The following CD36 variants were observed in gnomAD, a reference collection of about 807,000 sequenced individuals.
CD36 encodes the protein CD36 molecule (CD36 blood group).
In CD36, 119 loss-of-function variants were observed where a neutral mutation model predicts 55.2. The ratio of observed to expected loss-of-function variants is 2.15; its 90% CI spans 1.86 to 2.51. The LOEUF (loss-of-function observed/expected upper bound fraction) is 2.51. Among genes scored for constraint, CD36 ranks in the 30% most tolerant of loss-of-function variants. CD36 has a pLI of 0.00. For missense variants in CD36, 819 were observed against 555.5 expected (o/e 1.47, Z -4.77); for synonymous variants, 186 against 193.6 (o/e 0.96, Z 0.33).
chr7:80,635,249 C>T (rs573971436), upstream of CD36, among the ~76,000 whole-genome samples: 2 of 142,804 alleles, frequency 1.4e-5, no homozygotes, highest in African/African-American at 5.3e-5. Flanking sequence ...TGCGTGATAG[C>T]CAGTGATGGC....
chr7:80,665,911 G>T (rs575617719), intron 7 of CD36: 1 of 155,052 alleles, frequency 6.4e-6, no homozygotes, highest in African/African-American at 2.4e-5. Flanking sequence ...TTTAACGCCA[G>T]TCCATGGGAG....
chr7:80,673,677 A>G (rs1797953490), intron 13 of CD36: 2 of 560,596 alleles, frequency 3.6e-6, no homozygotes, highest in African/African-American at 1.9e-5. Context: ...TATTTTTACT[A>G]TAAATCCATG....
chr7:80,609,237 A>C (rs888436361), intron 1 of CD36, among the ~76,000 whole-genome samples: 4 of 151,956 alleles, frequency 2.6e-5, no homozygotes, highest in Non-Finnish European at 4.4e-5. Flanking sequence ...TTCTTCCAAA[A>C]CTCATACACT....
At chr7:80,634,823 A>C (rs1794290165), upstream of CD36, among the ~76,000 whole-genome samples, 1 of 152,100 alleles carries the variant, frequency 6.6e-6, no homozygotes, top group Non-Finnish European at 1.5e-5. Context: ...GTATGCTCAA[A>C]GTGGATAAAG....
chr7:80,669,844 T>G, intron 8 of CD36, 109 bp from the exon 9 acceptor site: 2 of 800,282 alleles, frequency 2.5e-6, no homozygotes, highest in Non-Finnish European at 4.5e-6. Context: ...GATAAATTAC[T>G]TAGGCAGTTT....
intron 1 of CD36, among the ~76,000 whole-genome samples, chr7:80,641,371 A>G (rs1260603032): frequency 1.3e-5 from 2 of 152,102 alleles, no homozygotes; most frequent in African/African-American, 4.8e-5. Context: ...TGAAAAAAGT[A>G]ATTTTAAAAA....
In CD36 at chr7:80,615,936, G is replaced by A. The variant is rs976185387; in HGVS notation, c.-184+13557G>A. ...AATTCTGTTTTTAGGAAGGATAGAA[G>A]CTTGGACTTAATTTTATTTTGAATT... On this transcript the variant is annotated intron_variant, in intron 1 of 13. Coordinates refer to the CD36 transcript ENST00000309881. 9.9e-5 allele frequency among the ~76,000 whole-genome samples: 15 copies of A among 152,248 alleles called. No homozygotes were observed. The South Asian group carries it at 2.9e-3, about 29-fold the overall frequency.
rs369236071 is a variant in CD36 at position 80,671,156 on chromosome 7, G to T, written c.998G>T (p.Cys333Phe). ...TATGGTGTGCTAGACATCAGCAAAT[G>T]CAAAGAAGGTGAGTAAATAACCTCA... ...TSYGVLDISK[C>F]KEGRPVYISL... Residue 333 changes from cysteine to phenylalanine, a missense_variant, in exon 10 of 15, where the codon TGC becomes TTC. Transcript: ENST00000447544. The T allele has an allele frequency of 7.5e-6, 12 of 1,606,310 alleles. No individual in the cohort carries two copies. In the African/African-American group the frequency reaches 1.5e-4, roughly 20 times the overall value.
chr7:80,651,423 G>A (rs1360945111), intron 3 of CD36, among the ~76,000 whole-genome samples: 2 of 151,916 alleles, frequency 1.3e-5, no homozygotes, highest in Non-Finnish European at 2.9e-5. Flanking sequence ...ATTTAAATAA[G>A]TTCTATAGTT....
In CD36 at chr7:80,672,823, C is replaced by G. The variant is rs756260004; in HGVS notation, c.1179C>G (p.Val393=). The change falls in exon 12 of 15, where the codon GTC becomes GTG. Residue 393 remains valine, a synonymous_variant. Coordinates refer to ENST00000447544, the MANE Select transcript of CD36 (RefSeq NM_001001548.3). The stretch of plus-strand genomic sequence containing the variant: ...AACGGCTGCAGGTCAACCTATTGGT[C>G]AAGCCATCAGAAAAAATTCAGTGAG... ...FAKRLQVNLL[V]KPSEKIQVLK... 7 of 1,610,010 alleles carry G rather than the reference C, an allele frequency of 4.3e-6. No individual in the cohort carries two copies. Among genetic ancestry groups the G allele is most frequent in the African/African-American group, 4.0e-5 (3 of 74,730 alleles).
intron 3 of CD36, among the ~76,000 whole-genome samples, chr7:80,655,575 T>C (rs1324128384): frequency 1.3e-5 from 2 of 152,224 alleles, no homozygotes; most frequent in Non-Finnish European, 2.9e-5. Flanking sequence ...GTCCTGTTTT[T>C]TTCTTTAAAA....
intron 1 of CD36, among the ~76,000 whole-genome samples, chr7:80,616,009 C>T (rs1793131415): frequency 6.6e-6 from 1 of 152,092 alleles, no homozygotes; most frequent in Non-Finnish European, 1.5e-5. Context: ...ATAACACTTT[C>T]TTCCTTTAAA....
At chr7:80,637,132 G>A (rs1459434571), upstream of CD36, 1 of 151,854 alleles carries the variant, frequency 6.6e-6, no homozygotes, top group Admixed American at 6.6e-5. Flanking sequence ...CTTTTAAACA[G>A]GTCTTATCTG....
At chr7:80,633,401 T>G (rs953947344) in intron 1 of CD36, 2 of 152,008 alleles carry the variant, frequency 1.3e-5, no homozygotes, top group Non-Finnish European at 2.9e-5. Context: ...TATGTTTGTT[T>G]TTATCCTGAC....
At chr7:80,619,326 T>C (rs746060211) in intron 1 of CD36, among the ~76,000 whole-genome samples, 8 of 152,192 alleles carry the variant, frequency 5.3e-5, no homozygotes, top group Non-Finnish European at 1.0e-4. Flanking sequence ...AAATTAATGT[T>C]GTTTTCATGC....
intron 1 of CD36, among the ~76,000 whole-genome samples, chr7:80,620,573 C>G (rs891825188): frequency 1.4e-4 from 22 of 152,108 alleles, no homozygotes; most frequent in Admixed American, 1.4e-3. Context: ...AGAAGCTCAC[C>G]AAACCCAGTC....
chr7:80,651,287 C>G (rs1795594320), intron 3 of CD36, among the ~76,000 whole-genome samples: 1 of 152,058 alleles, frequency 6.6e-6, no homozygotes, highest in Non-Finnish European at 1.5e-5. Flanking sequence ...CTATCAGGTA[C>G]TATGCTTATT....
rs1798209961 is a variant in CD36, at chr7:80,677,881, G to A, written c.*1498G>A. On this transcript the variant is annotated 3_prime_UTR_variant, in exon 15 of 15. Transcript: ENST00000447544. ...CTCATAGCATTTAGATATCAGAAAA[G>A]GTTTTGACCTATATGTCTTTAATAT... 6.6e-6 allele frequency: 1 copy of A among 151,958 alleles called. No individual in the cohort carries two copies. Among genetic ancestry groups the A allele is most frequent in the Non-Finnish European group, 1.5e-5 (1 of 68,000 alleles). 9.4% of individuals were successfully genotyped at this position (151,958 alleles called of 1,614,324 possible). A position where few individuals can be genotyped will look rare whatever the true frequency, so the allele number is the denominator to read the frequency against.
Position 80,646,771 on chromosome 7 carries a change from G to A in CD36, c.31G>A (p.Ala11Thr), listed in dbSNP as rs368907671. The A allele has an allele frequency of 3.8e-5, 61 of 1,613,972 alleles. No homozygotes were observed. Among genetic ancestry groups the A allele is most frequent in the South Asian group, 4.4e-5 (4 of 91,082 alleles). The change falls in exon 3 of 15, where the codon GCT becomes ACT. Residue 11 changes from alanine (A) to threonine (T), a missense_variant. By Grantham distance (58) the Ala-to-Thr change is moderately conservative. Transcript: ENST00000447544. ...CTGTGACCGGAACTGTGGGCTCATC[G>A]CTGGGGCTGTCATTGGTGCTGTCCT... Reference protein sequence around the residue: MGCDRNCGLIAGAVIGAVLAV... With the variant: MGCDRNCGLITGAVIGAVLAV...
Sources: gnomAD v4.1 joint callset for allele counts (sites outside exome capture counted in the v4.1 genomes callset) on GRCh38, gnomAD v4.1.1 for gene constraint, MANE v1.5 for transcripts, NCBI Gene and HGNC (gene_info 2026-07-23, HGNC 2026-07-21) for gene names.